The following TPD52 variants were observed in gnomAD, a reference collection of about 807,000 sequenced individuals.
TPD52 encodes the protein tumor protein D52.
TPD52 carries 17 observed loss-of-function variants against 31.3 expected under a neutral mutation model. The observed-to-expected ratio is 0.54, with a 90% confidence interval of 0.37 to 0.82. The LOEUF (loss-of-function observed/expected upper bound fraction) is 0.82. TPD52 is among the 40% of genes least tolerant of loss of function. TPD52 has a pLI of 0.00. For synonymous variants in TPD52, 83 were observed against 89.6 expected (o/e 0.93, Z 0.42); for missense variants, 212 against 240.1 (o/e 0.88, Z 0.77).
At chr8:80,133,885 T>G (rs1809204916) in intron 1 of TPD52, among the ~76,000 whole-genome samples, 1 of 152,172 alleles carries the variant, frequency 6.6e-6, no homozygotes. Flanking sequence ...GGTCACTTTT[T>G]CTTTAAAGGA....
At chr8:80,034,653 A>C (rs1005564906), downstream of TPD52, 4 of 152,280 alleles carry the variant, frequency 2.6e-5, no homozygotes, top group African/African-American at 9.6e-5. Context: ...AAAAATAGTC[A>C]AAATGGAAAA....
chr8:80,044,748 G>A lies in TPD52; in HGVS notation c.414-540C>T, dbSNP rs115131878. ...TCCCATAAAGACCACCTCATGAGAT[G>A]AGAGTGCCTTCATTCCTAGGCTCGT... is the stretch of plus-strand genomic sequence containing the variant. On this transcript the variant is annotated intron_variant, in intron 5 of 7. Transcript: ENST00000518937. 1.9e-3 allele frequency among the ~76,000 whole-genome samples: 285 copies of A among 152,260 alleles called. 3 individuals are homozygous for A. The highest frequency in any genetic ancestry group is 6.5e-3 in the African/African-American group (268 of 41,534).
intron 1 of TPD52, among the ~76,000 whole-genome samples, chr8:80,076,626 C>T (rs1814569182): frequency 1.3e-5 from 2 of 152,126 alleles, no homozygotes; most frequent in Non-Finnish European, 2.9e-5. Context: ...CACATGTTTA[C>T]CCATATAAGA....
At chr8:80,091,431 TGCG>T (rs1816257732) in intron 1 of TPD52, among the ~76,000 whole-genome samples, 4 of 148,136 alleles carry the variant, frequency 2.7e-5, no homozygotes, top group Non-Finnish European at 4.4e-5. Flanking sequence ...ATCGCGCCAC[TGCG>T]CTCCAGCCTG....
intron 1 of TPD52, among the ~76,000 whole-genome samples, chr8:80,132,369 CTAATTTTTT>C (rs1427507515): frequency 1.3e-5 from 2 of 152,022 alleles, no homozygotes; most frequent in Non-Finnish European, 2.9e-5. Context: ...GTAGTCCCAG[CTAATTTTTT>C]TAATTTTTTG....
At position 80,107,980 on chromosome 8, in the gene TPD52, C is replaced by T. The variant is rs147994339; in HGVS notation, c.20-43387G>A. 2.3e-3 allele frequency among the ~76,000 whole-genome samples: 343 copies of T among 152,132 alleles called. 4 individuals are homozygous for T. The highest frequency in any genetic ancestry group is 0.02 in the Admixed American group (308 of 15,270). ...AAATGAATTGCTTGATCTTGATGCA[C>T]GTCAGTCATGGAAGTAAAAAACTGT... On this transcript the variant is annotated intron_variant, in intron 1 of 7. Transcript: ENST00000518937.
intron 1 of TPD52, among the ~76,000 whole-genome samples, chr8:80,161,050 G>C (rs1436190238): frequency 6.6e-6 from 1 of 151,984 alleles, no homozygotes; most frequent in African/African-American, 2.4e-5. Flanking sequence ...CTGGGCAACA[G>C]AGCGAGACTC....
chr8:80,086,180 T>G (rs1284926734), intron 1 of TPD52, among the ~76,000 whole-genome samples: 7 of 144,774 alleles, frequency 4.8e-5, no homozygotes, highest in African/African-American at 7.9e-5. Flanking sequence ...TGCAGTGTCG[T>G]GATCTTGACT....
At chr8:80,078,249 A>G (rs1291422044) in intron 1 of TPD52, among the ~76,000 whole-genome samples, 1 of 152,332 alleles carries the variant, frequency 6.6e-6, no homozygotes, top group East Asian at 1.9e-4. Context: ...GGCATTTTGG[A>G]TAAATATCAG....
At chr8:80,041,165 A>AT (rs1223696663) in intron 7 of TPD52, among the ~76,000 whole-genome samples, 7 of 152,226 alleles carry the variant, frequency 4.6e-5, no homozygotes, top group Non-Finnish European at 1.0e-4. Flanking sequence ...TAGGGGAGGG[A>AT]TAGCATTAGG....
At chr8:80,140,919 CA>C (rs2131141565) in intron 1 of TPD52, among the ~76,000 whole-genome samples, 1 of 148,896 alleles carries the variant, frequency 6.7e-6, no homozygotes, top group South Asian at 2.1e-4. Context: ...AAGAACAGAC[CA>C]AGAGGAGCAT....
Position 80,064,669 on chromosome 8 carries a change from A to T in TPD52, c.20-76T>A, listed in dbSNP as rs187036071. 32 of 1,060,432 alleles carry T rather than the reference A, an allele frequency of 3.0e-5. No individual in the cohort carries two copies. The Admixed American group carries it at 4.2e-4, about 14-fold the overall frequency. The allele number at this position is 1,060,432 out of a possible 1,614,324, so 65.7% of individuals were successfully genotyped here. A position where few individuals can be genotyped will look rare whatever the true frequency, so the allele number is the denominator to read the frequency against. The stretch of plus-strand genomic sequence containing the variant: ...CCTATTTAAGCTCCTCCACTGTCCT[A>T]GCCAGAATAAAGCCAATTAGAGTAG... On this transcript the variant is annotated intron_variant, in intron 1 of 7. Transcript: ENST00000518937.
chr8:80,120,185 A>G (rs914170046), intron 1 of TPD52, among the ~76,000 whole-genome samples: 2 of 152,150 alleles, frequency 1.3e-5, no homozygotes, highest in African/African-American at 4.8e-5. Context: ...GAATTAAATG[A>G]ATATTTCTAA....
At chr8:80,070,998 G>A (rs1367205857) in intron 1 of TPD52, among the ~76,000 whole-genome samples, 1 of 152,218 alleles carries the variant, frequency 6.6e-6, no homozygotes, top group Non-Finnish European at 1.5e-5. Context: ...AAGAGATTAT[G>A]TGAAGATACA....
In TPD52 at chr8:80,132,772, C is replaced by A. The variant is rs1549459; in HGVS notation, c.19+38653G>T. Among the ~76,000 whole-genome samples the A allele has an allele frequency of 3.9e-5, 6 of 151,996 alleles. No homozygotes were observed. In the East Asian group the frequency reaches 1.2e-3, roughly 29 times the overall value. On this transcript the variant is annotated intron_variant, in intron 1 of 7. Coordinates refer to ENST00000518937, the MANE Select transcript of TPD52 (RefSeq NM_001025253.3). ...TGGAAGCCCAGGATCTAAAAGCAGACGTCCTTTTGTTGTTCTGTGCCACCC... is the reference window on the plus strand; with the variant it reads ...TGGAAGCCCAGGATCTAAAAGCAGAAGTCCTTTTGTTGTTCTGTGCCACCC...
At chr8:80,080,232 T>C in intron 1 of TPD52, 2 of 1,303,716 alleles carry the variant, frequency 1.5e-6, no homozygotes, top group Non-Finnish European at 2.2e-6. Context: ...ATCTTTACAC[T>C]AACAATTTTA....
At chr8:80,071,732 T>G (rs1813812988) in intron 1 of TPD52, among the ~76,000 whole-genome samples, 1 of 152,186 alleles carries the variant, frequency 6.6e-6, no homozygotes, top group African/African-American at 2.4e-5. Context: ...CACTATGTGT[T>G]GCTTAGATTC....
At chr8:80,054,632 G>A (rs956745208) in intron 2 of TPD52, among the ~76,000 whole-genome samples, 2 of 151,862 alleles carry the variant, frequency 1.3e-5, no homozygotes, top group African/African-American at 4.8e-5. Context: ...AAATAACATA[G>A]AGTATTGCTC....
intron 1 of TPD52, among the ~76,000 whole-genome samples, chr8:80,101,049 A>G (rs916385904): frequency 6.6e-6 from 1 of 152,232 alleles, no homozygotes; most frequent in African/African-American, 2.4e-5. Flanking sequence ...ACAGTGAGAT[A>G]TTTACTATTG....
Sources: allele counts gnomAD v4.1 joint callset (sites outside exome capture counted in the v4.1 genomes callset), GRCh38; gene constraint gnomAD v4.1.1; transcripts MANE v1.5; gene names NCBI Gene and HGNC (gene_info 2026-07-23, HGNC 2026-07-21).